MYT1L: variants seen among roughly 807,000 people sequenced by gnomAD.
MYT1L encodes myelin transcription factor 1 like, also known as myelin transcription factor 1-like protein.
Under a neutral mutation model 126.7 loss-of-function variants are expected in MYT1L, and 12 were observed. That is an observed-to-expected ratio of 0.09 (90% CI 0.06 to 0.15). The LOEUF is 0.15. MYT1L is among the 10% of genes least tolerant of loss of function. MYT1L has a pLI of 1.00. For missense variants in MYT1L, 979 were observed against 1,585.2 expected (o/e 0.62, Z 6.49); for synonymous variants, 541 against 604.2 (o/e 0.90, Z 1.53).
At chr2:1,939,807 G>T (rs2056426464) in intron 9 of MYT1L, among the ~76,000 whole-genome samples, 1 of 152,236 alleles carries the variant, frequency 6.6e-6, no homozygotes, top group Non-Finnish European at 1.5e-5. Context: ...TGGAGTACCT[G>T]CAGGTGACGT....
At chr2:2,162,986 G>C (rs1401401670) in intron 3 of MYT1L, among the ~76,000 whole-genome samples, 1 of 151,784 alleles carries the variant, frequency 6.6e-6, no homozygotes, top group Non-Finnish European at 1.5e-5. Context: ...ACTGATAAAA[G>C]TAGAAGTGGA....
intron 3 of MYT1L, among the ~76,000 whole-genome samples, chr2:2,141,139 T>A (rs1410816303): frequency 6.6e-6 from 1 of 152,210 alleles, no homozygotes; most frequent in Admixed American, 6.5e-5. Flanking sequence ...CACAAAGAGA[T>A]AACTACTGTT....
At chr2:2,304,972 T>G (rs2149553230) in intron 1 of MYT1L, among the ~76,000 whole-genome samples, 1 of 152,350 alleles carries the variant, frequency 6.6e-6, no homozygotes, top group Middle Eastern at 3.4e-3. Flanking sequence ...CAATACATAC[T>G]TAGATTTGAA....
At chr2:2,201,861 C>A (rs182576476) in intron 2 of MYT1L, among the ~76,000 whole-genome samples, 33 of 152,240 alleles carry the variant, frequency 2.2e-4, no homozygotes, top group African/African-American at 7.7e-4. Flanking sequence ...TATTTAACGA[C>A]ACTTAATCAT....
rs771117808 is a variant in MYT1L, at chr2:2,203,422, T to TA, written c.-420-30435dup. ...TAAGCAACTTCAGCAAATCTCAGGATAAAAAATCAATGTGCAAAAATCACA... is the reference window on the plus strand; with the variant it reads ...TAAGCAACTTCAGCAAATCTCAGGATAAAAAAATCAATGTGCAAAAATCACA... On this transcript the variant is annotated intron_variant, in intron 2 of 24. Transcript: ENST00000647738. 1.9e-3 allele frequency among the ~76,000 whole-genome samples: 283 copies of TA among 149,698 alleles called. 2 individuals are homozygous for TA. Among genetic ancestry groups the TA allele is most frequent in the Middle Eastern group, 0.01 (3 of 294 alleles).
intron 3 of MYT1L, among the ~76,000 whole-genome samples, chr2:2,157,587 G>A (rs1233597977): frequency 6.6e-6 from 1 of 152,142 alleles, no homozygotes. Context: ...AGAGGCCAGT[G>A]AGAAAGTCAG....
At chr2:2,141,144 ACT>A (rs2148168015) in intron 3 of MYT1L, among the ~76,000 whole-genome samples, 1 of 152,272 alleles carries the variant, frequency 6.6e-6, no homozygotes, top group East Asian at 1.9e-4. Flanking sequence ...AGAGATAACT[ACT>A]GTTTGTTTTT....
Position 1,800,704 on chromosome 2 carries a change from G to A in MYT1L, c.3276+992C>T, listed in dbSNP as rs193074999. ...GCCTCAACCTCTGCATTTACAGAGC[G>A]GGGATAATAAGGGAGCCCTCGGAGT... On this transcript the variant is annotated intron_variant, in intron 23 of 24. Transcript: ENST00000647738. 1.5e-3 allele frequency among the ~76,000 whole-genome samples: 227 copies of A among 152,306 alleles called. 4 individuals are homozygous for A. The highest frequency in any genetic ancestry group is 0.013 in the Admixed American group (203 of 15,306).
At chr2:2,330,855 T>C (rs1573644897) in intron 1 of MYT1L, 112 bp downstream of exon 1, 2 of 152,240 alleles carry the variant, frequency 1.3e-5, no homozygotes, top group South Asian at 4.2e-4. Flanking sequence ...GCTGTAAAAA[T>C]AACTTTAAAA....
At chr2:1,839,512 G>T in intron 20 of MYT1L, 142 bp from the exon 21 acceptor site, 1 of 728,474 alleles carries the variant, frequency 1.4e-6, no homozygotes, top group Non-Finnish European at 2.2e-6. Flanking sequence ...AGAAAAAAGA[G>T]AAAGAAAGAA....
At chr2:1,797,065 T>C (rs13420700) in intron 23 of MYT1L, among the ~76,000 whole-genome samples, 6,583 of 149,880 alleles carry the variant, frequency 0.044, 165 homozygotes, top group East Asian at 0.074. Flanking sequence ...TGGGGAATCG[T>C]GGAGTCCAGA....
chr2:2,104,652 GT>G (rs2078524303), intron 3 of MYT1L, among the ~76,000 whole-genome samples: 1 of 152,198 alleles, frequency 6.6e-6, no homozygotes, highest in Non-Finnish European at 1.5e-5. Context: ...GCTTTCTGTG[GT>G]CTTTGTCCGG....
chr2:2,280,463 A>G (rs941651329), intron 2 of MYT1L, among the ~76,000 whole-genome samples: 3 of 152,208 alleles, frequency 2.0e-5, no homozygotes, highest in Non-Finnish European at 4.4e-5. Flanking sequence ...TGCCCATTCC[A>G]TATAAGACAG....
chr2:1,853,832 ATAT>A (rs149174021), intron 18 of MYT1L, among the ~76,000 whole-genome samples: 1,981 of 152,284 alleles, frequency 0.013, 13 homozygotes, highest in Middle Eastern at 0.021. Flanking sequence ...TTAAAGTGAG[ATAT>A]TATAGCCAAA....
intron 5 of MYT1L, among the ~76,000 whole-genome samples, chr2:1,984,587 A>G (rs1487171378): frequency 3.6e-5 from 5 of 140,632 alleles, no homozygotes; most frequent in African/African-American, 1.4e-4. Context: ...TGGGCTCACT[A>G]CAAGCTCCGC....
intron 4 of MYT1L, among the ~76,000 whole-genome samples, chr2:2,036,450 A>G (rs1179017785): frequency 1.3e-3 from 168 of 126,862 alleles, no homozygotes; most frequent in Middle Eastern, 4.9e-3. Flanking sequence ...ACTTCTCCCC[A>G]CAATCTCCAC....
At chr2:1,891,005 A>C (rs1269568422) in intron 15 of MYT1L, among the ~76,000 whole-genome samples, 3 of 145,920 alleles carry the variant, frequency 2.1e-5, no homozygotes, top group African/African-American at 7.3e-5. Context: ...TCTGCCTTTT[A>C]TTTTATTTTT....
chr2:2,002,817 A>G (rs1044996387), intron 4 of MYT1L, among the ~76,000 whole-genome samples: 1 of 152,060 alleles, frequency 6.6e-6, no homozygotes, highest in Non-Finnish European at 1.5e-5. Flanking sequence ...CTCATGATAG[A>G]GAGTGAGTTT....
intron 13 of MYT1L, among the ~76,000 whole-genome samples, chr2:1,909,403 T>C (rs2051561442): frequency 6.6e-6 from 1 of 152,204 alleles, no homozygotes; most frequent in Admixed American, 6.5e-5. Flanking sequence ...CAGTAGAATA[T>C]ACGTAGCTGT....
Sources: allele counts gnomAD v4.1 joint callset (sites outside exome capture counted in the v4.1 genomes callset), GRCh38; gene constraint gnomAD v4.1.1; transcripts MANE v1.5; gene names NCBI Gene and HGNC (gene_info 2026-07-23, HGNC 2026-07-21).